Variants in LATS1 observed in about 807,000 individuals in gnomAD.
LATS1 encodes large tumor suppressor kinase 1.
Under a neutral mutation model 106.6 loss-of-function variants are expected in LATS1, and 25 were observed. That is an observed-to-expected ratio of 0.23 (90% CI 0.17 to 0.33). The LOEUF is 0.33. Among genes scored for constraint, LATS1 ranks in the 10% least tolerant of loss-of-function variants. The probability of loss-of-function intolerance (pLI) is 1.00; values close to 1 mark genes in which losing one functional copy is unlikely to be tolerated. For missense variants in LATS1, 1,040 were observed against 1,382.6 expected (o/e 0.75, Z 3.93); for synonymous variants, 465 against 455.6 (o/e 1.02, Z -0.26).
intron 2 of LATS1, among the ~76,000 whole-genome samples, chr6:149,700,582 A>G (rs921328840): frequency 6.6e-5 from 10 of 152,192 alleles, no homozygotes; most frequent in African/African-American, 2.4e-4. Context: ...TAAATTAAAT[A>G]CAGATATATA....
At chr6:149,696,093 G>A (rs963142402) in intron 2 of LATS1, among the ~76,000 whole-genome samples, 2 of 151,484 alleles carry the variant, frequency 1.3e-5, no homozygotes, top group African/African-American at 4.8e-5. Context: ...TTTTAGTAGA[G>A]ACAGCATTTT....
chr6:149,678,369 A>C (rs1249263268), intron 5 of LATS1, among the ~76,000 whole-genome samples: 3 of 132,728 alleles, frequency 2.3e-5, no homozygotes, highest in African/African-American at 8.7e-5. Flanking sequence ...AACAAACAAA[A>C]AACAACAAAA....
chr6:149,673,788 C>A (rs553490706), intron 7 of LATS1, among the ~76,000 whole-genome samples: 1 of 151,224 alleles, frequency 6.6e-6, no homozygotes, highest in South Asian at 2.1e-4. Flanking sequence ...GTTCTCCTGC[C>A]TCAGGGCCTC....
rs928777214 is a variant in LATS1, at chr6:149,676,536, T to C, written c.2776+19A>G. On this transcript the variant is annotated intron_variant, in intron 6 of 7. Transcript: ENST00000543571. The stretch of plus-strand genomic sequence containing the variant: ...GGTCTAAAGGTCTACTGAGAATATA[T>C]ATGAAAGAAGTGCTTTACCTGTTCG... 1.3e-5 allele frequency: 21 copies of C among 1,609,160 alleles called. No homozygotes were observed. Among genetic ancestry groups the C allele is most frequent in the Middle Eastern group, 1.8e-4 (1 of 5,666 alleles).
chr6:149,673,844 T>C (rs1781568676), intron 7 of LATS1, among the ~76,000 whole-genome samples: 1 of 151,582 alleles, frequency 6.6e-6, no homozygotes, highest in African/African-American at 2.4e-5. Context: ...ACGGCTAATT[T>C]TTGTATTTTT....
At chr6:149,697,373 C>T (rs1465239241) in intron 2 of LATS1, among the ~76,000 whole-genome samples, 2 of 152,050 alleles carry the variant, frequency 1.3e-5, no homozygotes, top group African/African-American at 2.4e-5. Context: ...TCCTCGACCC[C>T]GTTTCCTAGG....
intron 4 of LATS1, 61 bp from the exon 5 acceptor site, chr6:149,680,518 A>C: frequency 8.2e-7 from 1 of 1,219,156 alleles, no homozygotes. Flanking sequence ...ATATTAAGAA[A>C]TAGCTTGGGA....
At chr6:149,705,115 T>G (rs1245843142) in intron 1 of LATS1, among the ~76,000 whole-genome samples, 1 of 152,158 alleles carries the variant, frequency 6.6e-6, no homozygotes, top group East Asian at 1.9e-4. Context: ...ACTTTTTCAT[T>G]GCCTGAAAAT....
intron 7 of LATS1, among the ~76,000 whole-genome samples, chr6:149,669,097 AC>A (rs1243471744): frequency 6.6e-6 from 1 of 151,912 alleles, no homozygotes; most frequent in Non-Finnish European, 1.5e-5. Flanking sequence ...CGCTGGGATT[AC>A]AGGTGTGAGC....
chr6:149,705,867 C>A (rs1407988870), intron 1 of LATS1, among the ~76,000 whole-genome samples: 1 of 151,922 alleles, frequency 6.6e-6, no homozygotes, highest in Non-Finnish European at 1.5e-5. Flanking sequence ...ATCACTGTAG[C>A]GGGCTGAATA....
chr6:149,689,100 G>A (rs532270588), intron 3 of LATS1, among the ~76,000 whole-genome samples: 2 of 152,060 alleles, frequency 1.3e-5, no homozygotes, highest in African/African-American at 2.4e-5. Context: ...CTCAGGGGGC[G>A]GAGGTTGCAG....
intron 4 of LATS1, chr6:149,682,872 T>A (rs1472163117): frequency 9.0e-6 from 5 of 557,900 alleles, no homozygotes; most frequent in Non-Finnish European, 1.5e-5. Context: ...GATTTTATTA[T>A]AGGAAATTCT....
chr6:149,687,111 G>A (rs1782427072), intron 3 of LATS1, among the ~76,000 whole-genome samples: 1 of 144,174 alleles, frequency 6.9e-6, no homozygotes, highest in Non-Finnish European at 1.5e-5. Flanking sequence ...TTTTTTTTGA[G>A]ACAGAGACTT....
At position 149,661,871 on chromosome 6, in the gene LATS1, A is replaced by AAAAACCTTCGGAAGGTAAATTCAT; in HGVS notation, c.3227_3250dup (p.Tyr1076_Phe1083dup). The stretch of plus-strand genomic sequence containing the variant: ...ATTATATGGGTAGCCATTGTCATCA[A>AAAAACCTTCGGAAGGTAAATTCAT]AAAACCTTCGGAAGGTAAATTCATA... On this transcript the variant is annotated inframe_insertion, in exon 8 of 8. Coordinates refer to ENST00000543571, the MANE Select transcript of LATS1 (RefSeq NM_004690.4). 6.2e-7 allele frequency: 1 copy of AAAAACCTTCGGAAGGTAAATTCAT among 1,614,114 alleles called. No homozygotes were observed. The highest frequency in any genetic ancestry group is 1.3e-5 in the African/African-American group (1 of 75,060).
At chr6:149,687,710 G>C (rs375606665) in intron 3 of LATS1, among the ~76,000 whole-genome samples, 21 of 152,064 alleles carry the variant, frequency 1.4e-4, no homozygotes, top group Middle Eastern at 6.8e-3. Flanking sequence ...TAGGATTATA[G>C]GCAGGAGACA....
In LATS1 at chr6:149,683,871, A is replaced by G; in HGVS notation, c.1218T>C (p.Pro406=). 1 of 1,614,140 alleles carries G rather than the reference A, an allele frequency of 6.2e-7. No homozygotes were observed. The highest frequency in any genetic ancestry group is 8.5e-7 in the Non-Finnish European group (1 of 1,180,002). Reference sequence around the variant, plus strand: ...TTCTGTTTGGCACCATCATAGACTGAGGAATACTTCCATTTGTATATGACG... The same window carrying G: ...TTCTGTTTGGCACCATCATAGACTGGGGAATACTTCCATTTGTATATGACG... The part of the protein sequence containing the change: ...APSSYTNGSI[P]QSMMVPNRNS... The change falls in exon 4 of 8, where the codon CCT becomes CCC. Residue 406 remains proline (P), a synonymous_variant. Transcript: ENST00000543571.
At position 149,660,854 on chromosome 6, in the gene LATS1, A is replaced by G; in HGVS notation, c.*875T>C. 1 of 211,662 alleles carries G rather than the reference A, an allele frequency of 4.7e-6. No homozygotes were observed. The highest frequency in any genetic ancestry group is 2.3e-5 in the African/African-American group (1 of 44,282). The allele number at this position is 211,662 out of a possible 1,614,324, so 13.1% of individuals were successfully genotyped here. A position where few individuals can be genotyped will look rare whatever the true frequency, so the allele number is the denominator to read the frequency against. ...AGAGGAAACAGGTAACATTGATGAT[A>G]TAATCAAAATAGTTACTATACAGGA... On this transcript the variant is annotated 3_prime_UTR_variant, in exon 8 of 8. Coordinates refer to ENST00000543571, the MANE Select transcript of LATS1 (RefSeq NM_004690.4).
intron 2 of LATS1, 93 bp from the exon 3 acceptor site, chr6:149,695,314 C>A: frequency 1.3e-6 from 1 of 753,330 alleles, no homozygotes. Context: ...CTAGAGAAAT[C>A]CATAATTATG....
Position 149,661,936 on chromosome 6 carries a change from A to G in LATS1, c.3186T>C (p.Asn1062=). Residue 1062 remains asparagine (N), a synonymous_variant, in exon 8 of 8, where the codon AAT becomes AAC. Coordinates refer to ENST00000543571, the MANE Select transcript of LATS1 (RefSeq NM_004690.4). ...GATGCTTTCCATTTTTATACCATCC[A>G]TTGAGAGTGTCATTTACATTTTCTT... The part of the protein sequence containing the change: ...NEEENVNDTL[N]GWYKNGKHPE... 6.2e-7 allele frequency: 1 copy of G among 1,614,062 alleles called. No individual in the cohort carries two copies. Among genetic ancestry groups the G allele is most frequent in the East Asian group, 2.2e-5 (1 of 44,876 alleles).
Sources: gnomAD v4.1 joint callset for allele counts (sites outside exome capture counted in the v4.1 genomes callset) on GRCh38, gnomAD v4.1.1 for gene constraint, MANE v1.5 for transcripts, NCBI Gene and HGNC (gene_info 2026-07-23, HGNC 2026-07-21) for gene names.